FOXN1: variants seen among roughly 807,000 people sequenced by gnomAD.
FOXN1 encodes the protein forkhead box protein N1.
Under a neutral mutation model 49.0 loss-of-function variants are expected in FOXN1, and 15 were observed. That is an observed-to-expected ratio of 0.31 (90% CI 0.20 to 0.47). The LOEUF (loss-of-function observed/expected upper bound fraction) is 0.47. Among genes scored for constraint, FOXN1 ranks in the 20% least tolerant of loss-of-function variants. The probability of loss-of-function intolerance (pLI) is 1.00; values close to 1 mark genes in which losing one functional copy is unlikely to be tolerated. For missense variants in FOXN1, 800 were observed against 842.8 expected, an observed-to-expected ratio of 0.95 and a Z score of 0.63; for synonymous variants, 356 against 369.0, an observed-to-expected ratio of 0.96 and a Z score of 0.40.
intron 3 of FOXN1, among the ~76,000 whole-genome samples, chr17:28,526,278 CTTCTAGGCCCGAGA>C (rs2069765117): frequency 6.6e-6 from 1 of 152,232 alleles, no homozygotes; most frequent in Non-Finnish European, 1.5e-5. Context: ...GCTCTTGGCC[CTTCTAGGCCCGAGA>C]TTCTATGATT....
chr17:28,537,762 G>A lies in FOXN1; in HGVS notation c.*326G>A, dbSNP rs1028034937. On this transcript the variant is annotated 3_prime_UTR_variant, in exon 9 of 9. Coordinates refer to ENST00000579795, the MANE Select transcript of FOXN1 (RefSeq NM_001369369.1). ...GTGCACACACACAAATTATTCAGAT[G>A]TACACCCACCCACATATCTTACAGC... 4.4e-6 allele frequency: 2 copies of A among 455,232 alleles called. No homozygotes were observed. The highest frequency in any genetic ancestry group is 2.0e-5 in the African/African-American group (1 of 50,634). 28.2% of individuals were successfully genotyped at this position (455,232 alleles called of 1,614,324 possible).
At chr17:28,515,710 C>A (rs375257020) in intron 1 of FOXN1, among the ~76,000 whole-genome samples, 4 of 151,390 alleles carry the variant, frequency 2.6e-5, no homozygotes, top group African/African-American at 7.3e-5. Context: ...CAGGTGTACA[C>A]TCCTCAACAG....
At chr17:28,522,318 C>A (rs1020659495) in intron 1 of FOXN1, among the ~76,000 whole-genome samples, 1 of 152,186 alleles carries the variant, frequency 6.6e-6, no homozygotes, top group African/African-American at 2.4e-5. Flanking sequence ...AGGAATTGCT[C>A]TTGCAGGTGG....
intron 1 of FOXN1, 28 bp downstream of exon 1, chr17:28,506,471 C>T (rs1179332459): frequency 1.3e-5 from 2 of 152,258 alleles, no homozygotes; most frequent in East Asian, 1.9e-4. Context: ...CCAAGTCAGC[C>T]GTGGAGGCCA....
chr17:28,524,964 C>T lies in FOXN1; in HGVS notation c.585C>T (p.Val195=). The T allele has an allele frequency of 6.2e-7, 1 of 1,606,594 alleles. No homozygotes were observed. The highest frequency in any genetic ancestry group is 1.3e-5 in the African/African-American group (1 of 74,924). ...PYPSQEHGPQ[V]LGSEVKVKPP... ...CCAGCCAGGAGCATGGCCCCCAAGT[C>T]CTGGTGAGTACTAGTGGCCAGCGAG... The change falls in exon 3 of 9, where the codon GTC becomes GTT. Residue 195 remains valine (V), a synonymous_variant. Coordinates refer to ENST00000579795, the MANE Select transcript of FOXN1 (RefSeq NM_001369369.1).
intron 5 of FOXN1, among the ~76,000 whole-genome samples, chr17:28,530,150 T>A (rs2069876281): frequency 6.6e-6 from 1 of 152,080 alleles, no homozygotes; most frequent in Admixed American, 6.5e-5. Context: ...AACCTGCACG[T>A]ACTGTACATG....
chr17:28,509,101 A>G (rs1003420839), intron 1 of FOXN1, among the ~76,000 whole-genome samples: 3 of 152,088 alleles, frequency 2.0e-5, no homozygotes, highest in Admixed American at 2.0e-4. Context: ...GGGGAAAGAC[A>G]AGATGACCTC....
In FOXN1 at chr17:28,527,343, C is replaced by A. The variant is rs1235417700; in HGVS notation, c.681C>A (p.Ser227=). ...CCTTGCAGCATATGTACTGCTCCTC[C>A]CAGCCCCCCTTCCACCAGGTGGGTC... The part of the protein sequence containing the change: ...QPPLQHMYCS[S]QPPFHQYSPG... Residue 227 remains serine, a synonymous_variant, in exon 4 of 9, where the codon TCC becomes TCA. Coordinates refer to ENST00000579795, the MANE Select transcript of FOXN1 (RefSeq NM_001369369.1). 6.2e-7 allele frequency: 1 copy of A among 1,611,034 alleles called. No individual in the cohort carries two copies. The highest frequency in any genetic ancestry group is 1.1e-5 in the South Asian group (1 of 90,828).
chr17:28,527,518 G>A (rs951567061), intron 4 of FOXN1, among the ~76,000 whole-genome samples, 157 bp downstream of exon 4: 11 of 152,218 alleles, frequency 7.2e-5, no homozygotes, highest in Admixed American at 3.9e-4. Context: ...AGCAGGTGGC[G>A]GGAATAGTTA....
At chr17:28,513,352 C>T (rs2069431271) in intron 1 of FOXN1, among the ~76,000 whole-genome samples, 1 of 152,188 alleles carries the variant, frequency 6.6e-6, no homozygotes, top group Non-Finnish European at 1.5e-5. Flanking sequence ...AATATTCATC[C>T]TTTACACTAC....
chr17:28,514,965 C>G (rs1294331131), intron 1 of FOXN1, among the ~76,000 whole-genome samples: 1 of 152,152 alleles, frequency 6.6e-6, no homozygotes, highest in East Asian at 1.9e-4. Context: ...GTTCAGCATG[C>G]TGGCTTTGAA....
chr17:28,514,941 C>T (rs1371082829), intron 1 of FOXN1, among the ~76,000 whole-genome samples: 4 of 152,070 alleles, frequency 2.6e-5, no homozygotes, highest in South Asian at 2.1e-4. Flanking sequence ...AAGGTGGGGC[C>T]GTGTAGCGTA....
chr17:28,537,010 C>T (rs1006743095), intron 8 of FOXN1, 107 bp from the exon 9 acceptor site: 18 of 894,548 alleles, frequency 2.0e-5, no homozygotes, highest in South Asian at 1.9e-4. Context: ...GCACATGTCA[C>T]CCTGACCCCT....
At position 28,534,357 on chromosome 17, in the gene FOXN1, T is replaced by A; in HGVS notation, c.954T>A (p.Ser318=). 6.2e-7 allele frequency: 1 copy of A among 1,614,210 alleles called. No homozygotes were observed. The highest frequency in any genetic ancestry group is 1.1e-5 in the South Asian group (1 of 91,082). ...FKTAPDGWKN[S]VRHNLSLNKC... is the part of the protein sequence containing the mutation. The stretch of plus-strand genomic sequence containing the variant: ...CAGCACCCGATGGCTGGAAGAATTC[T>A]GTCCGGCACAACCTATCCCTCAACA... Residue 318 remains serine, a synonymous_variant, in exon 7 of 9, where the codon TCT becomes TCA. Transcript: ENST00000579795. The surrounding 1 kb of genome is among the most constrained non-coding windows in gnomAD (Gnocchi z 4.1).
intron 1 of FOXN1, among the ~76,000 whole-genome samples, chr17:28,508,447 A>G (rs1439461583): frequency 6.6e-6 from 1 of 152,114 alleles, no homozygotes; most frequent in Non-Finnish European, 1.5e-5. Flanking sequence ...CTTTCCCCCC[A>G]TCCCCCAGAC....
At chr17:28,507,664 G>A (rs1286578551) in intron 1 of FOXN1, among the ~76,000 whole-genome samples, 2 of 152,170 alleles carry the variant, frequency 1.3e-5, no homozygotes, top group East Asian at 3.9e-4. Flanking sequence ...TTGCCCGGTA[G>A]CCTTCTTCCT....
At chr17:28,521,326 C>A (rs1195528287) in intron 1 of FOXN1, among the ~76,000 whole-genome samples, 2 of 152,272 alleles carry the variant, frequency 1.3e-5, no homozygotes, top group Middle Eastern at 3.4e-3. Flanking sequence ...TGAGATCTGG[C>A]GGGGAAGAAG....
chr17:28,529,141 A>C lies in FOXN1; in HGVS notation c.747A>C (p.Ser249=). ...ACCCCATACCCTACCTGGGCTCCTC[A>C]CACTATCAGTACCAGCGAATGGCAC... ...GSYPIPYLGS[S]HYQYQRMAPQ... The change falls in exon 5 of 9, where the codon TCA becomes TCC. Residue 249 remains serine, a synonymous_variant. Transcript: ENST00000579795. 1 of 1,614,102 alleles carries C rather than the reference A, an allele frequency of 6.2e-7. No individual in the cohort carries two copies.
At position 28,529,414 on chromosome 17, in the gene FOXN1, C is replaced by G. The variant is rs530613038; in HGVS notation, c.830+190C>G. ...GGGCATAGACTGGATCAGCTCTGAC[C>G]CTTTGTCTAAGCCTGGGGAGTCATG... On this transcript the variant is annotated intron_variant, in intron 5 of 8. Coordinates refer to ENST00000579795, the MANE Select transcript of FOXN1 (RefSeq NM_001369369.1). Among the ~76,000 whole-genome samples the G allele has an allele frequency of 2.6e-5, 4 of 152,276 alleles. No individual in the cohort carries two copies. In the East Asian group the frequency reaches 7.7e-4, roughly 29 times the overall value.
Sources: gnomAD v4.1 joint callset for allele counts (sites outside exome capture counted in the v4.1 genomes callset) on GRCh38, gnomAD v4.1.1 for gene constraint, Gnocchi (gnomAD v3.1) non-coding constraint, MANE v1.5 for transcripts, NCBI Gene and HGNC (gene_info 2026-07-23, HGNC 2026-07-21) for gene names.